Variants in AFDN observed in about 807,000 individuals in gnomAD.
The protein encoded by AFDN is afadin, adherens junction formation factor, also known as afadin.
A neutral mutation model predicts 216.6 loss-of-function variants in AFDN; 68 were observed. The ratio of observed to expected loss-of-function variants is 0.31; its 90% CI spans 0.26 to 0.38. The LOEUF (loss-of-function observed/expected upper bound fraction) is 0.38, where lower values mean the gene tolerates loss of function less well. Among genes scored for constraint, AFDN ranks in the 10% least tolerant of loss-of-function variants. The pLI is 1.00. For synonymous variants in AFDN, 868 were observed against 853.7 expected (o/e 1.02, Z -0.29); for missense variants, 2,136 against 2,342.0 (o/e 0.91, Z 1.82).
chr6:167,917,335 T>C (rs565117727), intron 20 of AFDN, 103 bp downstream of exon 20: 1 of 1,206,336 alleles, frequency 8.3e-7, no homozygotes, highest in South Asian at 2.0e-5. Context: ...GTTAACTTAT[T>C]TATTCTCATC....
intron 23 of AFDN, among the ~76,000 whole-genome samples, chr6:167,938,162 G>A (rs1360327964): frequency 2.6e-5 from 4 of 152,212 alleles, no homozygotes; most frequent in Non-Finnish European, 5.9e-5. Context: ...GCTGGCAGGT[G>A]AGCCTCGGAG....
At chr6:167,833,483 T>C (rs1163316263) in intron 1 of AFDN, among the ~76,000 whole-genome samples, 1 of 152,202 alleles carries the variant, frequency 6.6e-6, no homozygotes, top group African/African-American at 2.4e-5. Context: ...TTCATACATG[T>C]TCTATTAAAG....
intron 8 of AFDN, among the ~76,000 whole-genome samples, chr6:167,893,187 C>G (rs774778289): frequency 3.3e-5 from 5 of 152,306 alleles, no homozygotes; most frequent in Non-Finnish European, 7.4e-5. Flanking sequence ...GGCCTGAATG[C>G]AAGGCCAGGG....
At chr6:167,961,804 G>C (rs1426187961) in intron 30 of AFDN, among the ~76,000 whole-genome samples, 10 of 152,210 alleles carry the variant, frequency 6.6e-5, no homozygotes, top group African/African-American at 2.4e-4. Flanking sequence ...GGTGCAGAGT[G>C]TAGGGTAGTC....
At chr6:167,946,167 T>C (rs1795231690) in intron 26 of AFDN, among the ~76,000 whole-genome samples, 2 of 152,378 alleles carry the variant, frequency 1.3e-5, no homozygotes, top group East Asian at 3.8e-4. Flanking sequence ...CTTGGTTGTC[T>C]AATTTCTTAG....
Position 167,870,417 on chromosome 6 carries a change from A to G in AFDN, c.333A>G (p.Leu111=), listed in dbSNP as rs1434255290. ...ERRLDIDEKP[L]VVQLNWNKDD... Reference sequence around the variant, plus strand: ...GATTGGATATAGATGAGAAACCTCTAGTTGTACAACTGAATTGGAACAAAG... The same window carrying G: ...GATTGGATATAGATGAGAAACCTCTGGTTGTACAACTGAATTGGAACAAAG... Residue 111 remains leucine, a synonymous_variant, in exon 3 of 34, where the codon CTA becomes CTG. Coordinates refer to ENST00000683244, the MANE Select transcript of AFDN (RefSeq NM_001386888.1). The G allele has an allele frequency of 2.5e-6, 4 of 1,610,682 alleles. No individual in the cohort carries two copies. The highest frequency in any genetic ancestry group is 2.2e-5 in the South Asian group (2 of 90,402).
chr6:167,949,047 G>A (rs557542349), intron 29 of AFDN, among the ~76,000 whole-genome samples: 4 of 152,338 alleles, frequency 2.6e-5, no homozygotes, highest in South Asian at 2.1e-4. Context: ...GAAGATAGGC[G>A]GGGCCAGACA....
At position 167,864,751 on chromosome 6, in the gene AFDN, G is replaced by C; in HGVS notation, c.301+5G>C. 1 of 1,613,922 alleles carries C rather than the reference G, an allele frequency of 6.2e-7. No homozygotes were observed. ...ATGAAGTGCATGTCAGCGGAGGTCAGTGTATACAGGAAGGGTTTGCTAGAG... is the reference window on the plus strand; with the variant it reads ...ATGAAGTGCATGTCAGCGGAGGTCACTGTATACAGGAAGGGTTTGCTAGAG... On this transcript the variant is annotated splice_donor_5th_base_variant and intron_variant, in intron 2 of 33. Coordinates refer to ENST00000683244, the MANE Select transcript of AFDN (RefSeq NM_001386888.1).
intron 8 of AFDN, 146 bp from the exon 9 acceptor site, chr6:167,893,716 G>T: frequency 3.0e-6 from 2 of 665,916 alleles, no homozygotes; most frequent in Admixed American, 4.4e-5. Flanking sequence ...GATGGGTGAA[G>T]TGTACCTTTT....
chr6:167,866,198 T>C (rs562383248), intron 2 of AFDN, among the ~76,000 whole-genome samples: 1 of 152,184 alleles, frequency 6.6e-6, no homozygotes, highest in South Asian at 2.1e-4. Flanking sequence ...AGATTGGAGT[T>C]TGAGGTCTAA....
chr6:167,829,352 A>G (rs945946776), intron 1 of AFDN, among the ~76,000 whole-genome samples: 1 of 152,134 alleles, frequency 6.6e-6, no homozygotes, highest in Non-Finnish European at 1.5e-5. Flanking sequence ...TGTATCTTTT[A>G]TTATGATGTA....
intron 1 of AFDN, among the ~76,000 whole-genome samples, chr6:167,857,783 A>G (rs996563552): frequency 6.6e-6 from 1 of 152,106 alleles, no homozygotes; most frequent in Admixed American, 6.5e-5. Context: ...GGTTTTACAG[A>G]TATTTTAGTT....
At chr6:167,945,467 A>G (rs1795156615) in intron 26 of AFDN, among the ~76,000 whole-genome samples, 1 of 152,256 alleles carries the variant, frequency 6.6e-6, no homozygotes, top group Non-Finnish European at 1.5e-5. Flanking sequence ...ATAGTAAAAT[A>G]TATAAACAAG....
intron 31 of AFDN, chr6:167,964,210 CAG>C: frequency 9.4e-7 from 1 of 1,063,876 alleles, no homozygotes; most frequent in South Asian, 4.6e-5. Flanking sequence ...ATTTTTATAT[CAG>C]AATGTCCAAA....
At chr6:167,949,706 G>A (rs115722564) in intron 29 of AFDN, among the ~76,000 whole-genome samples, 3 of 152,148 alleles carry the variant, frequency 2.0e-5, no homozygotes, top group Admixed American at 6.5e-5. Context: ...TTGTTAGAAC[G>A]TAGGAGAATC....
chr6:167,833,642 A>G (rs1780070975), intron 1 of AFDN, among the ~76,000 whole-genome samples: 1 of 152,202 alleles, frequency 6.6e-6, no homozygotes. Flanking sequence ...TAGGAGAACC[A>G]ACAAAAATTC....
At chr6:167,964,968 A>G (rs1010029174) in intron 31 of AFDN, 16 of 1,053,242 alleles carry the variant, frequency 1.5e-5, no homozygotes, top group African/African-American at 3.3e-5. Flanking sequence ...GTTTGTGCAG[A>G]TGTATGTCAG....
At chr6:167,870,123 A>G (rs901114704) in intron 2 of AFDN, among the ~76,000 whole-genome samples, 1 of 152,118 alleles carries the variant, frequency 6.6e-6, no homozygotes, top group African/African-American at 2.4e-5. Context: ...TTGCATGTAT[A>G]TTTCTCTTAT....
intron 21 of AFDN, among the ~76,000 whole-genome samples, chr6:167,919,928 G>A (rs1322731852): frequency 6.6e-6 from 1 of 152,140 alleles, no homozygotes; most frequent in Non-Finnish European, 1.5e-5. Context: ...TTTAATTTCA[G>A]TGAATGTTTC....
Sources: gnomAD v4.1 joint callset for allele counts (sites outside exome capture counted in the v4.1 genomes callset) on GRCh38, gnomAD v4.1.1 for gene constraint, MANE v1.5 for transcripts, NCBI Gene and HGNC (gene_info 2026-07-23, HGNC 2026-07-21) for gene names.